ITSN2: variants seen among roughly 807,000 people sequenced by gnomAD.
The protein encoded by ITSN2 is intersectin 2.
Under a neutral mutation model 243.7 loss-of-function variants are expected in ITSN2, and 156 were observed. The observed-to-expected ratio is 0.64, with a 90% CI of 0.56 to 0.73. The LOEUF (loss-of-function observed/expected upper bound fraction) is 0.73, where lower values mean the gene tolerates loss of function less well. Among genes scored for constraint, ITSN2 ranks in the 30% least tolerant of loss-of-function variants. The probability of loss-of-function intolerance (pLI) is 0.00; values close to 1 mark genes in which losing one functional copy is unlikely to be tolerated. For missense variants in ITSN2, 1,801 were observed against 1,996.1 expected (o/e 0.90, Z 1.86); for synonymous variants, 703 against 699.9 (o/e 1.00, Z -0.07).
chr2:24,215,042 T>C (rs1199999521), intron 32 of ITSN2, among the ~76,000 whole-genome samples: 2 of 152,250 alleles, frequency 1.3e-5, no homozygotes, highest in Admixed American at 1.3e-4. Context: ...AATATGACTT[T>C]CTATTATAAT....
chr2:24,249,000 G>T, intron 25 of ITSN2, 118 bp from the exon 26 acceptor site: 2 of 1,046,034 alleles, frequency 1.9e-6, no homozygotes, highest in Non-Finnish European at 2.9e-6. Context: ...TTTAAATGAA[G>T]ATGAAAATGA....
chr2:24,260,251 T>C (rs901643932), intron 22 of ITSN2, among the ~76,000 whole-genome samples: 1 of 152,162 alleles, frequency 6.6e-6, no homozygotes, highest in Non-Finnish European at 1.5e-5. Context: ...GACTTATTTT[T>C]TCCTTAAATT....
intron 34 of ITSN2, chr2:24,210,476 G>A (rs531245818): frequency 1.5e-5 from 5 of 322,660 alleles, no homozygotes; most frequent in East Asian, 6.1e-5. Context: ...GCTGGGCATC[G>A]TAGCAGATGC....
intron 17 of ITSN2, among the ~76,000 whole-genome samples, chr2:24,281,432 A>G (rs1368753796): frequency 1.3e-5 from 2 of 152,072 alleles, no homozygotes. Flanking sequence ...TGTCTAGTTC[A>G]TGTTTCAGAG....
chr2:24,313,372 T>C (rs1156703850), intron 4 of ITSN2, 88 bp downstream of exon 4: 6 of 1,018,882 alleles, frequency 5.9e-6, no homozygotes, highest in Non-Finnish European at 7.3e-6. Flanking sequence ...ACCAATAGAA[T>C]GCAACTAAAA....
chr2:24,350,406 A>G (rs1687919896), intron 1 of ITSN2, among the ~76,000 whole-genome samples: 1 of 152,220 alleles, frequency 6.6e-6, no homozygotes, highest in East Asian at 1.9e-4. Context: ...GCTTTGGAAA[A>G]CAATTCAGAA....
chr2:24,206,215 TA>T (rs1225507352), intron 37 of ITSN2: 1 of 399,690 alleles, frequency 2.5e-6, no homozygotes, highest in Non-Finnish European at 5.0e-6. Flanking sequence ...AAAATAACAC[TA>T]AATTAGCAAA....
At chr2:24,360,114 G>T (rs1432793903) in intron 1 of ITSN2, among the ~76,000 whole-genome samples, 190 bp downstream of exon 1, 1 of 152,078 alleles carries the variant, frequency 6.6e-6, no homozygotes. Flanking sequence ...CCCGGGGCCG[G>T]AGGTTTCCGC....
rs560786967 is a variant in ITSN2 at position 24,354,260 on chromosome 2, A to G, written c.-34+6044T>C. Among the ~76,000 whole-genome samples, 6 of 152,368 alleles carry G rather than the reference A, an allele frequency of 3.9e-5. No homozygotes were observed. The South Asian group carries it at 1.0e-3, about 26-fold the overall frequency. On this transcript the variant is annotated intron_variant, in intron 1 of 39. Transcript: ENST00000355123. ...ACCACACTTTAAAGAAGGCTTCACT[A>G]AACATTTTCATAGGCCCCTTGAGAA...
chr2:24,317,939 T>C (rs1309502851), intron 2 of ITSN2, among the ~76,000 whole-genome samples: 2 of 152,158 alleles, frequency 1.3e-5, no homozygotes, highest in African/African-American at 4.8e-5. Context: ...ATTGACAGTA[T>C]TTTTTTGTTT....
chr2:24,321,497 C>G (rs1321202561), intron 2 of ITSN2, among the ~76,000 whole-genome samples: 1 of 152,048 alleles, frequency 6.6e-6, no homozygotes, highest in East Asian at 1.9e-4. Flanking sequence ...TATAAATATC[C>G]TCTCTTAAAG....
rs1173371545 is a variant in ITSN2 at position 24,229,263 on chromosome 2, A to G, written c.3578-8197T>C. ...CTATTAACAAGGTTAACATATGAAC[A>G]CACATACAAGAGACTATACATTCTT... On this transcript the variant is annotated intron_variant, in intron 29 of 39. Coordinates refer to ENST00000355123, the MANE Select transcript of ITSN2 (RefSeq NM_006277.3). Among the ~76,000 whole-genome samples, 5 of 152,320 alleles carry G rather than the reference A, an allele frequency of 3.3e-5. No individual in the cohort carries two copies. In the East Asian group the frequency reaches 7.7e-4, roughly 23 times the overall value.
chr2:24,205,390 C>A, intron 37 of ITSN2, 93 bp from the exon 38 acceptor site: 1 of 1,056,974 alleles, frequency 9.5e-7, no homozygotes, highest in Middle Eastern at 2.6e-4. Context: ...GCTCCCTGTC[C>A]CCATCTGCCA....
At chr2:24,209,377 C>T (rs1325865752) in intron 35 of ITSN2, among the ~76,000 whole-genome samples, 156 bp from the exon 36 acceptor site, 2 of 152,212 alleles carry the variant, frequency 1.3e-5, no homozygotes, top group African/African-American at 4.8e-5. Context: ...AATGAAACCT[C>T]CATTTGTAAG....
chr2:24,335,095 A>T (rs1686221194), intron 1 of ITSN2: 5 of 181,874 alleles, frequency 2.7e-5, no homozygotes, highest in Non-Finnish European at 3.3e-5. Flanking sequence ...AAAAAAAAAG[A>T]TGCAAGCATT....
At chr2:24,229,893 C>G (rs1044154458) in intron 29 of ITSN2, among the ~76,000 whole-genome samples, 1 of 152,046 alleles carries the variant, frequency 6.6e-6, no homozygotes, top group East Asian at 1.9e-4. Context: ...TCTGCCCTTC[C>G]ACGGCTCCTT....
chr2:24,323,587 T>C (rs369316859), intron 2 of ITSN2, among the ~76,000 whole-genome samples: 6 of 152,176 alleles, frequency 3.9e-5, no homozygotes, highest in East Asian at 3.8e-4. Context: ...GGTGGAGGTA[T>C]AAGGGTACAG....
chr2:24,331,101 C>G (rs1015723855), intron 1 of ITSN2, among the ~76,000 whole-genome samples: 10 of 127,588 alleles, frequency 7.8e-5, no homozygotes, highest in African/African-American at 3.1e-4. Context: ...GGCAGAGTTT[C>G]GCTCTTGTTG....
chr2:24,203,772 G>T lies in ITSN2; in HGVS notation c.4948C>A (p.Arg1650Ser). The change falls in exon 40 of 40, where the codon CGT (arginine) becomes AGT (serine). Residue 1650 changes from arginine (R) to serine (S), a missense_variant. This residue lies in a region of ITSN2 where 928 missense variants were observed against 1,065.4 expected (regional missense o/e 0.87). Transcript: ENST00000355123. ...ATTTTTGCCACTGGAATTTCAGTAC[G>T]ACCCAGGAAATCTGGTGAATAAACA... is the stretch of plus-strand genomic sequence containing the variant. ...DQFSPDDFLG[R>S]TEIPVAKIRT... 1 of 1,613,474 alleles carries T rather than the reference G, an allele frequency of 6.2e-7. No homozygotes were observed. Among genetic ancestry groups the T allele is most frequent in the South Asian group, 1.1e-5 (1 of 91,040 alleles).
Sources: allele counts gnomAD v4.1 joint callset (sites outside exome capture counted in the v4.1 genomes callset), GRCh38; gene constraint gnomAD v4.1.1; regional missense constraint gnomAD v4.1.1; transcripts MANE v1.5; gene names NCBI Gene and HGNC (gene_info 2026-07-23, HGNC 2026-07-21).